Variants in DPP10 observed in about 807,000 individuals in gnomAD.
The protein encoded by DPP10 is dipeptidyl peptidase like 10.
DPP10 carries 33 observed loss-of-function variants against 120.9 expected under a neutral mutation model. The ratio of observed to expected loss-of-function variants is 0.27; its 90% CI spans 0.21 to 0.37. The LOEUF (loss-of-function observed/expected upper bound fraction) is 0.37. Among genes scored for constraint, DPP10 ranks in the 10% least tolerant of loss-of-function variants. The pLI is 1.00. For synonymous variants in DPP10, 337 were observed against 326.1 expected (o/e 1.03, Z -0.36); for missense variants, 816 against 942.8 (o/e 0.87, Z 1.76).
At chr2:114,448,751 TA>T (rs781618355) in intron 1 of DPP10, among the ~76,000 whole-genome samples, 1 of 152,288 alleles carries the variant, frequency 6.6e-6, no homozygotes, top group Non-Finnish European at 1.5e-5. Context: ...TACTTAGGGT[TA>T]TTAAGTAACA....
intron 1 of DPP10, among the ~76,000 whole-genome samples, chr2:114,840,102 A>C (rs888753799): frequency 4.6e-5 from 7 of 152,186 alleles, no homozygotes; most frequent in African/African-American, 1.4e-4. Context: ...AACAGCAAAC[A>C]GTTGTTTTCC....
chr2:114,608,406 G>A (rs1475526603), intron 1 of DPP10, among the ~76,000 whole-genome samples: 1 of 152,072 alleles, frequency 6.6e-6, no homozygotes, highest in Non-Finnish European at 1.5e-5. Context: ...AGAGGGGTTT[G>A]AGGAGACGGT....
At chr2:114,899,680 A>G (rs13032260) in intron 1 of DPP10, among the ~76,000 whole-genome samples, 84,458 of 151,536 alleles carry the variant, frequency 0.56, 23,910 homozygotes, top group African/African-American at 0.67. Context: ...TGTTAGGGCC[A>G]GGCGCGGTGG....
chr2:114,975,209 C>T (rs1041003073), intron 1 of DPP10, among the ~76,000 whole-genome samples: 1 of 151,958 alleles, frequency 6.6e-6, no homozygotes, highest in African/African-American at 2.4e-5. Flanking sequence ...CCACGCCCAG[C>T]TAATTTTTGT....
intron 5 of DPP10, among the ~76,000 whole-genome samples, chr2:115,537,654 A>G (rs1042769927): frequency 6.7e-6 from 1 of 149,720 alleles, no homozygotes; most frequent in African/African-American, 2.4e-5. Flanking sequence ...ATACTATGAT[A>G]CTAAGTAAAA....
chr2:114,786,746 G>A (rs990339174), intron 1 of DPP10, among the ~76,000 whole-genome samples: 23 of 152,168 alleles, frequency 1.5e-4, no homozygotes, highest in African/African-American at 7.2e-5. Context: ...TCATATCAAA[G>A]TGAAGTAAAG....
intron 7 of DPP10, among the ~76,000 whole-genome samples, chr2:115,707,103 C>T (rs1225041350): frequency 6.6e-6 from 1 of 151,900 alleles, no homozygotes; most frequent in Non-Finnish European, 1.5e-5. Context: ...CAAATATACA[C>T]TTTAATAGAT....
chr2:114,614,021 G>T (rs990456872), intron 1 of DPP10, among the ~76,000 whole-genome samples: 7 of 151,980 alleles, frequency 4.6e-5, no homozygotes, highest in African/African-American at 1.7e-4. Context: ...TAATGCATGT[G>T]GGGCTTAAAA....
At chr2:115,720,567 CTG>C (rs1007828922) in intron 7 of DPP10, among the ~76,000 whole-genome samples, 17 of 151,938 alleles carry the variant, frequency 1.1e-4, no homozygotes, top group Non-Finnish European at 4.4e-5. Flanking sequence ...TAAAAAATAA[CTG>C]TAAATGTACT....
chr2:115,083,887 G>A (rs796098557), intron 1 of DPP10, among the ~76,000 whole-genome samples: 2 of 152,278 alleles, frequency 1.3e-5, no homozygotes, highest in African/African-American at 4.8e-5. Context: ...GATTAACAAA[G>A]CGGGACAGTA....
At chr2:114,712,170 A>G (rs936376256) in intron 1 of DPP10, among the ~76,000 whole-genome samples, 2 of 151,896 alleles carry the variant, frequency 1.3e-5, no homozygotes, top group Admixed American at 1.3e-4. Flanking sequence ...AACTACAAAA[A>G]TCAGCTGGGC....
chr2:115,127,670 A>C (rs1426721150), intron 1 of DPP10, among the ~76,000 whole-genome samples: 1 of 152,256 alleles, frequency 6.6e-6, no homozygotes, highest in Admixed American at 6.5e-5. Flanking sequence ...CCACATATTT[A>C]ATTTGTAATG....
rs1277908141 is a variant in DPP10, at chr2:115,343,416, G to GT, written c.176-396dup. Among the ~76,000 whole-genome samples, 4 of 152,058 alleles carry GT rather than the reference G, an allele frequency of 2.6e-5. No individual in the cohort carries two copies. In the East Asian group the frequency reaches 7.8e-4, roughly 30 times the overall value. ...AAGTCCCTCAAGTCTACCATCTTTGGTTTTTAACAACAAAACTGTACATTT... is the reference window on the plus strand; with the variant it reads ...AAGTCCCTCAAGTCTACCATCTTTGGTTTTTTAACAACAAAACTGTACATTT... On this transcript the variant is annotated intron_variant, in intron 2 of 25. Coordinates refer to ENST00000410059, the MANE Select transcript of DPP10 (RefSeq NM_020868.6).
chr2:115,492,102 T>G (rs2076156246), intron 3 of DPP10, among the ~76,000 whole-genome samples: 1 of 152,260 alleles, frequency 6.6e-6, no homozygotes, highest in African/African-American at 2.4e-5. Flanking sequence ...TATATATATA[T>G]GATCGATGTG....
intron 1 of DPP10, among the ~76,000 whole-genome samples, chr2:114,518,240 G>A (rs1043329134): frequency 2.0e-5 from 3 of 151,970 alleles, no homozygotes; most frequent in Middle Eastern, 3.4e-3. Flanking sequence ...ACCACGCCTG[G>A]CTAATTTTTG....
At chr2:114,608,038 C>A (rs1692957932) in intron 1 of DPP10, among the ~76,000 whole-genome samples, 1 of 152,184 alleles carries the variant, frequency 6.6e-6, no homozygotes, top group Admixed American at 6.5e-5. Flanking sequence ...ATTAGGCTTT[C>A]AGCCATCCCT....
intron 7 of DPP10, among the ~76,000 whole-genome samples, chr2:115,706,456 T>C (rs1446306752): frequency 6.6e-6 from 1 of 151,976 alleles, no homozygotes. Context: ...GTAGATTTTC[T>C]AACTGTTCAC....
intron 1 of DPP10, among the ~76,000 whole-genome samples, chr2:114,758,566 T>G (rs1039075754): frequency 6.6e-6 from 1 of 152,204 alleles, no homozygotes; most frequent in African/African-American, 2.4e-5. Flanking sequence ...GTAATAGTAT[T>G]AATCTGAGAT....
intron 1 of DPP10, among the ~76,000 whole-genome samples, chr2:115,175,734 G>C (rs900286099): frequency 1.3e-5 from 2 of 152,182 alleles, no homozygotes; most frequent in Admixed American, 1.3e-4. Context: ...ATAACCACCA[G>C]CTACACATGG....
Sources: allele counts gnomAD v4.1 joint callset (sites outside exome capture counted in the v4.1 genomes callset), GRCh38; gene constraint gnomAD v4.1.1; transcripts MANE v1.5; gene names NCBI Gene and HGNC (gene_info 2026-07-23, HGNC 2026-07-21).